Variants in EML6 observed in about 807,000 individuals in gnomAD.
The protein encoded by EML6 is echinoderm microtubule-associated protein-like 6.
Under a neutral mutation model 240.1 loss-of-function variants are expected in EML6, and 154 were observed. The observed-to-expected ratio is 0.64, with a 90% CI of 0.56 to 0.73. The LOEUF is 0.73. Ranked by LOEUF, EML6 falls within the 30% of genes least tolerant of loss-of-function variation. EML6 has a pLI of 0.00. For missense variants in EML6, 2,964 were observed against 2,474.6 expected, an observed-to-expected ratio of 1.20 and a Z score of -4.20; for synonymous variants, 1,148 against 899.0, an observed-to-expected ratio of 1.28 and a Z score of -4.95.
chr2:54,815,534 T>C (rs1668045388), intron 3 of EML6, among the ~76,000 whole-genome samples: 1 of 152,246 alleles, frequency 6.6e-6, no homozygotes, highest in African/African-American at 2.4e-5. Flanking sequence ...TCAGTGCCCC[T>C]ATTTGTGTTC....
chr2:54,725,321 G>A lies in EML6; in HGVS notation c.197+63G>A. On this transcript the variant is annotated intron_variant, in intron 2 of 41. Coordinates refer to ENST00000356458, the MANE Select transcript of EML6 (RefSeq NM_001039753.4). This position sits in a 1 kb window ranked among gnomAD's most constrained non-coding sequence, Gnocchi z 4.3. ...TGTGGAGGCTGGGAAGGTGGGAAGCGGTTGACCTGGGGTCGGATCCGGGAG... is the reference window on the plus strand; with the variant it reads ...TGTGGAGGCTGGGAAGGTGGGAAGCAGTTGACCTGGGGTCGGATCCGGGAG... The A allele has an allele frequency of 7.9e-7, 1 of 1,264,826 alleles. No individual in the cohort carries two copies. Among genetic ancestry groups the A allele is most frequent in the South Asian group, 1.8e-5 (1 of 56,996 alleles). The allele number at this position is 1,264,826 out of a possible 1,614,324, so 78.4% of individuals were successfully genotyped here.
chr2:54,724,945 G>C lies in EML6; in HGVS notation c.-117G>C, dbSNP rs1682835186. 1.2e-6 allele frequency: 1 copy of C among 820,412 alleles called. No individual in the cohort carries two copies. Among genetic ancestry groups the C allele is most frequent in the Non-Finnish European group, 1.6e-6 (1 of 621,134 alleles). The allele number at this position is 820,412 out of a possible 1,614,324, so 50.8% of individuals were successfully genotyped here. A position where few individuals can be genotyped will look rare whatever the true frequency, so the allele number is the denominator to read the frequency against. ...CGCTGGGCTGTGCCTGTGTGTCGCC[G>C]CGGAAATCAGCGCCCTGCGCCGCGC... On this transcript the variant is annotated 5_prime_UTR_variant, in exon 2 of 42. Transcript: ENST00000356458. The surrounding 1 kb of genome is among the most constrained non-coding windows in gnomAD (Gnocchi z 5.2).
At chr2:54,884,636 G>A (rs1672022814) in intron 17 of EML6, among the ~76,000 whole-genome samples, 1 of 152,186 alleles carries the variant, frequency 6.6e-6, no homozygotes, top group Non-Finnish European at 1.5e-5. Flanking sequence ...GAAATGGAGG[G>A]GGAGAATTGA....
At chr2:54,969,942 T>A (rs766500164) in intron 41 of EML6, 129 bp from the exon 42 acceptor site, 2 of 950,108 alleles carry the variant, frequency 2.1e-6, no homozygotes, top group Non-Finnish European at 3.3e-6. Flanking sequence ...CTGGTTTACC[T>A]TTTGAAGTCA....
intron 9 of EML6, among the ~76,000 whole-genome samples, 192 bp downstream of exon 9, chr2:54,847,815 A>G (rs546680908): frequency 6.6e-6 from 1 of 152,300 alleles, no homozygotes; most frequent in Non-Finnish European, 1.5e-5. Context: ...TTATTTGATA[A>G]TTTGGCAGCA....
chr2:54,778,357 G>A (rs952617868), intron 2 of EML6, among the ~76,000 whole-genome samples: 1 of 152,138 alleles, frequency 6.6e-6, no homozygotes, highest in Non-Finnish European at 1.5e-5. Context: ...GAAGAGAGAA[G>A]GGGGAGAGGA....
chr2:54,930,370 A>G (rs1674787794), intron 28 of EML6, among the ~76,000 whole-genome samples: 1 of 152,206 alleles, frequency 6.6e-6, no homozygotes, highest in Non-Finnish European at 1.5e-5. Context: ...CGTACTGCCA[A>G]ACTTAATGAA....
At chr2:54,870,411 T>C (rs773615113) in intron 15 of EML6, among the ~76,000 whole-genome samples, 2 of 147,352 alleles carry the variant, frequency 1.4e-5, no homozygotes, top group Non-Finnish European at 3.0e-5. Flanking sequence ...ACTGAAAAGG[T>C]ATATTTGGGG....
At chr2:54,767,463 C>T (rs1044141549) in intron 2 of EML6, among the ~76,000 whole-genome samples, 1 of 151,942 alleles carries the variant, frequency 6.6e-6, no homozygotes, top group Non-Finnish European at 1.5e-5. Context: ...TTTTAGTCTC[C>T]AGTCTAAAAA....
At chr2:54,750,939 G>T (rs938307378) in intron 2 of EML6, among the ~76,000 whole-genome samples, 10 of 152,156 alleles carry the variant, frequency 6.6e-5, no homozygotes, top group Non-Finnish European at 1.3e-4. Flanking sequence ...TTTTAAAAAG[G>T]GGAGAAGAGT....
intron 9 of EML6, 99 bp downstream of exon 9, chr2:54,847,722 A>T (rs900392205): frequency 7.5e-7 from 1 of 1,326,384 alleles, no homozygotes; most frequent in Non-Finnish European, 1.0e-6. Flanking sequence ...GGAAAAATCC[A>T]TTTAGCCATT....
intron 28 of EML6, among the ~76,000 whole-genome samples, chr2:54,948,331 C>T (rs1009169763): frequency 5.3e-5 from 8 of 152,044 alleles, no homozygotes; most frequent in African/African-American, 1.9e-4. Context: ...GTCTCCTGTC[C>T]CTCTGCTTCC....
Position 54,841,316 on chromosome 2 carries a change from A to C in EML6, c.848-2731A>C, listed in dbSNP as rs148726302. ...GGTGTCTCTACTCCTCCTGGCGGGA[A>C]TAATACATCGGCCTGTGTGCTTTTT... On this transcript the variant is annotated intron_variant, in intron 7 of 41. Transcript: ENST00000356458. Among the ~76,000 whole-genome samples, 5 of 152,346 alleles carry C rather than the reference A, an allele frequency of 3.3e-5. No individual in the cohort carries two copies. The East Asian group carries it at 9.6e-4, about 29-fold the overall frequency.
intron 2 of EML6, among the ~76,000 whole-genome samples, chr2:54,751,755 G>C (rs1684175345): frequency 6.6e-6 from 1 of 152,188 alleles, no homozygotes; most frequent in African/African-American, 2.4e-5. Context: ...ACCGTGCAAG[G>C]TTTGTTATGC....
At chr2:54,807,206 G>C (rs1284371222) in intron 2 of EML6, among the ~76,000 whole-genome samples, 2 of 151,798 alleles carry the variant, frequency 1.3e-5, no homozygotes, top group Non-Finnish European at 2.9e-5. Flanking sequence ...ATAAATTCTT[G>C]ATTACCATCT....
intron 26 of EML6, among the ~76,000 whole-genome samples, chr2:54,918,696 CAG>C (rs1176432293): frequency 1.3e-5 from 2 of 152,166 alleles, no homozygotes; most frequent in African/African-American, 4.8e-5. Context: ...TAATCAGTAA[CAG>C]ACATTTAAAT....
At position 54,869,493 on chromosome 2, in the gene EML6, A is replaced by G. The variant is rs59103774; in HGVS notation, c.2238+126A>G. On this transcript the variant is annotated intron_variant, in intron 15 of 41. Transcript: ENST00000356458. ...CATGAGATGGGAAGGTGAAGATTGA[A>G]TGATCATTGGATCCTTCCAAGATCA... The G allele has an allele frequency of 0.013, 9,404 of 743,732 alleles. 581 individuals are homozygous for G. The African/African-American group carries it at 0.13, about 11-fold the overall frequency. 46.1% of individuals were successfully genotyped at this position (743,732 alleles called of 1,614,324 possible).
At chr2:54,739,345 G>C (rs2103638299) in intron 2 of EML6, among the ~76,000 whole-genome samples, 1 of 152,322 alleles carries the variant, frequency 6.6e-6, no homozygotes, top group Non-Finnish European at 1.5e-5. Flanking sequence ...CAAGGTCGCA[G>C]GTGCTGCTAA....
intron 12 of EML6, among the ~76,000 whole-genome samples, chr2:54,862,183 A>T (rs1670708450): frequency 6.6e-6 from 1 of 151,814 alleles, no homozygotes; most frequent in Non-Finnish European, 1.5e-5. Context: ...TACTAAAAAT[A>T]CAAAAATTAG....
Sources: allele counts gnomAD v4.1 joint callset (sites outside exome capture counted in the v4.1 genomes callset), GRCh38; gene constraint gnomAD v4.1.1; non-coding constraint Gnocchi (gnomAD v3.1); transcripts MANE v1.5; gene names NCBI Gene and HGNC (gene_info 2026-07-23, HGNC 2026-07-21).